SPIC: variants seen among roughly 807,000 people sequenced by gnomAD.
SPIC encodes the protein Spi-C transcription factor.
A neutral mutation model predicts 16.7 loss-of-function variants in SPIC; 9 were observed. That is an observed-to-expected ratio of 0.54 (90% confidence interval 0.33 to 0.94). The LOEUF is 0.94. Ranked by LOEUF, SPIC falls within the 40% of genes least tolerant of loss-of-function variation. The pLI, the probability that SPIC is intolerant of heterozygous loss-of-function variation, is 0.03. For synonymous variants in SPIC, 97 were observed against 102.9 expected (o/e 0.94, Z 0.35); for missense variants, 241 against 285.8 (o/e 0.84, Z 1.13).
At chr12:101,477,491 T>A in intron 2 of SPIC, 67 bp from the exon 3 acceptor site, 1 of 1,432,304 alleles carries the variant, frequency 7.0e-7, no homozygotes, top group Middle Eastern at 1.8e-4. Context: ...AAATACTATT[T>A]TAAATCAGGG....
chr12:101,477,759 G>A, intron 3 of SPIC, 108 bp downstream of exon 3: 2 of 988,430 alleles, frequency 2.0e-6, no homozygotes, highest in South Asian at 2.9e-5. Context: ...GCTCACATCT[G>A]TAATCCCAGC....
chr12:101,475,524 T>G (rs1421036775), intron 1 of SPIC, 22 bp downstream of exon 1: 1 of 152,210 alleles, frequency 6.6e-6, no homozygotes, highest in Non-Finnish European at 1.5e-5. Flanking sequence ...GCTTATGTTT[T>G]TCTAAATATC....
chr12:101,477,161 C>T (rs1429926078), intron 2 of SPIC, among the ~76,000 whole-genome samples: 1 of 152,000 alleles, frequency 6.6e-6, no homozygotes, highest in African/African-American at 2.4e-5. Flanking sequence ...TTTTCTAAAT[C>T]ACTCTCCTCT....
chr12:101,481,108 T>A (rs1873179851), intron 4 of SPIC, among the ~76,000 whole-genome samples: 1 of 152,198 alleles, frequency 6.6e-6, no homozygotes, highest in African/African-American at 2.4e-5. Context: ...GAAACCCACA[T>A]ATTCTTCTTG....
chr12:101,485,981 T>C (rs1309342933), intron 5 of SPIC, among the ~76,000 whole-genome samples: 1 of 152,166 alleles, frequency 6.6e-6, no homozygotes, highest in Non-Finnish European at 1.5e-5. Context: ...TTTTTGTATT[T>C]TTAGTAGAGA....
intron 2 of SPIC, 75 bp from the exon 3 acceptor site, chr12:101,477,483 A>C: frequency 7.3e-7 from 1 of 1,374,098 alleles, no homozygotes; most frequent in South Asian, 1.2e-5. Flanking sequence ...TTTAGACTAA[A>C]TACTATTTTA....
At chr12:101,475,862 G>C (rs1002314658) in intron 1 of SPIC, among the ~76,000 whole-genome samples, 1 of 152,104 alleles carries the variant, frequency 6.6e-6, no homozygotes, top group South Asian at 2.1e-4. Flanking sequence ...GAGCCGAAGA[G>C]TGATTTCTGG....
chr12:101,477,776 G>T, intron 3 of SPIC, 125 bp downstream of exon 3: 2 of 815,428 alleles, frequency 2.5e-6, no homozygotes, highest in Non-Finnish European at 3.9e-6. Flanking sequence ...CAGCACTTTG[G>T]GAGGCCAAGG....
Position 101,476,813 on chromosome 12 carries a change from A to G in SPIC, c.-77-15A>G. On this transcript the variant is annotated splice_polypyrimidine_tract_variant and intron_variant, in intron 1 of 5. Transcript: ENST00000551346. ...CTGCATTTAATTTTGCTTTTTAAAT[A>G]TTAAACTTTTTCAGGATTGTCAACT... 4.5e-6 allele frequency: 4 copies of G among 881,402 alleles called. No homozygotes were observed. The highest frequency in any genetic ancestry group is 6.6e-6 in the Non-Finnish European group (4 of 610,380). The allele number at this position is 881,402 out of a possible 1,614,324, so 54.6% of individuals were successfully genotyped here.
intron 1 of SPIC, among the ~76,000 whole-genome samples, chr12:101,475,775 G>A (rs183365616): frequency 6.6e-6 from 1 of 152,238 alleles, no homozygotes; most frequent in African/African-American, 2.4e-5. Flanking sequence ...GCACTTTTGA[G>A]TCAAAGCAGT....
In SPIC at chr12:101,479,711, C is replaced by T; in HGVS notation, c.210+17C>T. On this transcript the variant is annotated intron_variant, in intron 4 of 5. Coordinates refer to ENST00000551346, the MANE Select transcript of SPIC (RefSeq NM_152323.3). Reference sequence around the variant, plus strand: ...ACGGTAATTGTAAGTATCAGACCATCCCTTAATAACAGGCAAATATCCTAT... The same window carrying T: ...ACGGTAATTGTAAGTATCAGACCATTCCTTAATAACAGGCAAATATCCTAT... 1.3e-6 allele frequency: 2 copies of T among 1,565,820 alleles called. No individual in the cohort carries two copies.
At chr12:101,480,349 C>A (rs1873149009) in intron 4 of SPIC, among the ~76,000 whole-genome samples, 1 of 152,226 alleles carries the variant, frequency 6.6e-6, no homozygotes, top group Non-Finnish European at 1.5e-5. Flanking sequence ...GGGCAAAGAT[C>A]CAAACTGCCC....
At chr12:101,482,232 CAA>C (rs563196977) in intron 4 of SPIC, among the ~76,000 whole-genome samples, 31 of 131,266 alleles carry the variant, frequency 2.4e-4, no homozygotes, top group East Asian at 6.9e-4. Context: ...AACTCTGTCT[CAA>C]AAAAAAAAAA....
At chr12:101,480,604 A>G (rs1389472626) in intron 4 of SPIC, among the ~76,000 whole-genome samples, 2 of 152,198 alleles carry the variant, frequency 1.3e-5, no homozygotes, top group African/African-American at 4.8e-5. Flanking sequence ...TTCTTCAGTC[A>G]CTACCTTCAA....
chr12:101,478,181 G>A (rs1392624749), intron 3 of SPIC, among the ~76,000 whole-genome samples: 4 of 151,314 alleles, frequency 2.6e-5, no homozygotes, highest in Admixed American at 6.6e-5. Context: ...ACAGGCGCCC[G>A]CCACCATGCC....
chr12:101,486,220 G>A (rs1336716053), intron 5 of SPIC, 124 bp from the exon 6 acceptor site: 2 of 874,244 alleles, frequency 2.3e-6, no homozygotes, highest in East Asian at 2.5e-5. Flanking sequence ...CGTAAGGGCA[G>A]TGAGTGGGAG....
chr12:101,478,337 T>C (rs1163674106), intron 3 of SPIC, among the ~76,000 whole-genome samples: 1 of 152,024 alleles, frequency 6.6e-6, no homozygotes, highest in African/African-American at 2.4e-5. Flanking sequence ...GGTGACCTTT[T>C]TTATCTTTAA....
intron 1 of SPIC, among the ~76,000 whole-genome samples, chr12:101,476,422 A>T (rs1046712583): frequency 6.6e-6 from 1 of 152,186 alleles, no homozygotes; most frequent in Admixed American, 6.5e-5. Context: ...GATTCTCAGA[A>T]GGCAATATAA....
chr12:101,475,644 C>T (rs1054257798), intron 1 of SPIC, 142 bp downstream of exon 1: 3 of 152,092 alleles, frequency 2.0e-5, no homozygotes, highest in African/African-American at 7.2e-5. Context: ...TGTTTTCAAG[C>T]TTTTTCTTCC....
Sources: allele counts gnomAD v4.1 joint callset (sites outside exome capture counted in the v4.1 genomes callset), GRCh38; gene constraint gnomAD v4.1.1; transcripts MANE v1.5; gene names NCBI Gene and HGNC (gene_info 2026-07-23, HGNC 2026-07-21).